Variants in FRMPD2 observed in about 807,000 individuals in gnomAD.
The protein encoded by FRMPD2 is FERM and PDZ domain-containing protein 2.
In FRMPD2, 96 loss-of-function variants were observed where a neutral mutation model predicts 140.1. The observed-to-expected ratio is 0.69, with a 90% confidence interval of 0.58 to 0.81. The LOEUF (loss-of-function observed/expected upper bound fraction) is 0.81. FRMPD2 is among the 40% of genes least tolerant of loss of function. FRMPD2 has a pLI of 0.00. For missense variants in FRMPD2, 1,240 were observed against 1,447.4 expected, an observed-to-expected ratio of 0.86 and a Z score of 2.32; for synonymous variants, 449 against 547.6, an observed-to-expected ratio of 0.82 and a Z score of 2.52.
Position 48,229,654 on chromosome 10 carries a change from C to G in FRMPD2, c.1168+2461G>C, listed in dbSNP as rs73294237. 2.4e-3 allele frequency among the ~76,000 whole-genome samples: 369 copies of G among 152,096 alleles called. 3 individuals are homozygous for G. The highest frequency in any genetic ancestry group is 8.6e-3 in the African/African-American group (357 of 41,506). The stretch of plus-strand genomic sequence containing the variant: ...AAAATTGTACAAAATTGCTAGAATT[C>G]CGATATGTCTTAGTATAATATTTGG... On this transcript the variant is annotated intron_variant, in intron 10 of 28. Coordinates refer to ENST00000374201, the MANE Select transcript of FRMPD2 (RefSeq NM_001018071.4).
At chr10:48,273,439 A>C (rs2131995287) in intron 1 of FRMPD2, among the ~76,000 whole-genome samples, 1 of 152,112 alleles carries the variant, frequency 6.6e-6, no homozygotes, top group East Asian at 1.9e-4. Flanking sequence ...CACTTTACTA[A>C]AGTTAGGCCA....
At chr10:48,245,863 G>T (rs1163932590) in intron 3 of FRMPD2, among the ~76,000 whole-genome samples, 4 of 152,174 alleles carry the variant, frequency 2.6e-5, no homozygotes, top group Admixed American at 1.3e-4. Context: ...AAACAATGAG[G>T]TAATGAAACA....
At chr10:48,237,938 A>G in intron 8 of FRMPD2, 53 bp downstream of exon 8, 5 of 1,610,500 alleles carry the variant, frequency 3.1e-6, no homozygotes, top group Non-Finnish European at 4.2e-6. Flanking sequence ...AGCCACCCAC[A>G]GCTCCCTGCT....
chr10:48,188,051 G>T (rs560567784), intron 16 of FRMPD2, among the ~76,000 whole-genome samples: 27 of 152,340 alleles, frequency 1.8e-4, no homozygotes, highest in Non-Finnish European at 3.4e-4. Flanking sequence ...GGGAACAATT[G>T]ATGTAAAGCT....
intron 1 of FRMPD2, among the ~76,000 whole-genome samples, chr10:48,269,602 C>T (rs762268538): frequency 3.9e-5 from 6 of 152,308 alleles, no homozygotes; most frequent in African/African-American, 9.6e-5. Flanking sequence ...AGGGCCAGGC[C>T]GTCCGTGGGT....
intron 9 of FRMPD2, among the ~76,000 whole-genome samples, chr10:48,233,865 C>T (rs1408872668): frequency 1.3e-5 from 2 of 152,148 alleles, no homozygotes; most frequent in African/African-American, 2.4e-5. Context: ...TGATGCCTTC[C>T]TCAGGGGCTG....
At chr10:48,181,376 C>T (rs1838542301) in intron 20 of FRMPD2, among the ~76,000 whole-genome samples, 1 of 152,162 alleles carries the variant, frequency 6.6e-6, no homozygotes, top group African/African-American at 2.4e-5. Flanking sequence ...AAGGTGTAAT[C>T]CCAGTTCAAA....
chr10:48,251,703 A>T lies in FRMPD2; in HGVS notation c.26-12T>A. ...GGACAGGCTCATGCCTACAATAAAG[A>T]CATGCATGTGACAGGGCCTCTGCAA... On this transcript the variant is annotated splice_polypyrimidine_tract_variant and intron_variant, in intron 1 of 28. Coordinates refer to ENST00000374201, the MANE Select transcript of FRMPD2 (RefSeq NM_001018071.4). The T allele has an allele frequency of 1.2e-6, 2 of 1,613,820 alleles. No individual in the cohort carries two copies. The highest frequency in any genetic ancestry group is 2.7e-5 in the African/African-American group (2 of 75,014).
At chr10:48,164,433 G>T (rs1375936381) in intron 27 of FRMPD2, among the ~76,000 whole-genome samples, 1 of 150,426 alleles carries the variant, frequency 6.6e-6, no homozygotes, top group Non-Finnish European at 1.5e-5. Context: ...TAGGAATCAT[G>T]ATTTTACCTT....
intron 5 of FRMPD2, 88 bp downstream of exon 5, chr10:48,242,073 T>A: frequency 1.1e-6 from 1 of 933,196 alleles, no homozygotes; most frequent in Non-Finnish European, 1.6e-6. Context: ...TTTATTTTAT[T>A]TTAGTTAATG....
intron 12 of FRMPD2, among the ~76,000 whole-genome samples, chr10:48,216,182 A>G (rs1205118636): frequency 1.3e-5 from 2 of 152,202 alleles, no homozygotes; most frequent in African/African-American, 2.4e-5. Flanking sequence ...ACATAACCAC[A>G]TGAGCCAATG....
intron 1 of FRMPD2, among the ~76,000 whole-genome samples, chr10:48,256,257 A>T (rs971652384): frequency 2.6e-5 from 4 of 151,694 alleles, no homozygotes; most frequent in African/African-American, 9.7e-5. Flanking sequence ...TGTCCCCTAG[A>T]CAGCTGCCCA....
At chr10:48,160,161 A>T (rs1224763746) in intron 28 of FRMPD2, among the ~76,000 whole-genome samples, 1 of 151,684 alleles carries the variant, frequency 6.6e-6, no homozygotes, top group African/African-American at 2.4e-5. Flanking sequence ...TTTCCCTCTG[A>T]TAGGCACGTA....
intron 12 of FRMPD2, among the ~76,000 whole-genome samples, chr10:48,220,075 G>A (rs1408330113): frequency 6.6e-6 from 1 of 152,078 alleles, no homozygotes; most frequent in African/African-American, 2.4e-5. Flanking sequence ...ACAATGTCTG[G>A]GTAAATGCCA....
chr10:48,274,446 CTG>C, intron 1 of FRMPD2, 95 bp downstream of exon 1: 1 of 1,073,802 alleles, frequency 9.3e-7, no homozygotes, highest in Non-Finnish European at 1.4e-6. Flanking sequence ...CCTTGCCCAG[CTG>C]TGTTCTTCTT....
intron 22 of FRMPD2, 83 bp from the exon 23 acceptor site, chr10:48,176,022 A>G (rs1588806393): frequency 1.5e-6 from 1 of 645,518 alleles, no homozygotes; most frequent in East Asian, 2.7e-5. Context: ...GGGAATCCCC[A>G]CCTGCCCACC....
rs770095462 is a variant in FRMPD2, at chr10:48,201,349, C to T, written c.1833G>A (p.Gly611=). 1.9e-6 allele frequency: 3 copies of T among 1,613,778 alleles called. No homozygotes were observed. The highest frequency in any genetic ancestry group is 2.2e-5 in the East Asian group (1 of 44,872). The change falls in exon 15 of 29, where the codon GGG becomes GGA. Residue 611 remains glycine (G), a synonymous_variant. Coordinates refer to ENST00000374201, the MANE Select transcript of FRMPD2 (RefSeq NM_001018071.4). ...KKFTITSSVT[G]KKHTFVTDSA... is the part of the protein sequence containing the mutation. Reference sequence around the variant, plus strand: ...AATCTGTGACAAATGTGTGCTTCTTCCCAGTGACACTGCTTGTGATGGTGA... The same window carrying T: ...AATCTGTGACAAATGTGTGCTTCTTTCCAGTGACACTGCTTGTGATGGTGA...
intron 1 of FRMPD2, among the ~76,000 whole-genome samples, chr10:48,263,526 C>T (rs1414735269): frequency 6.6e-6 from 1 of 151,988 alleles, no homozygotes; most frequent in East Asian, 1.9e-4. Context: ...GGATAATATG[C>T]CCACAAATGT....
At position 48,274,529 on chromosome 10, in the gene FRMPD2, A is replaced by T. The variant is rs199589889; in HGVS notation, c.25+14T>A. ...CAGATTTATAGGAGAAAACTGAATG[A>T]TGCCAAGGAATACCTGCGTCCTTCG... is the stretch of plus-strand genomic sequence containing the variant. On this transcript the variant is annotated intron_variant, in intron 1 of 28. Transcript: ENST00000374201. The T allele has an allele frequency of 6.2e-7, 1 of 1,613,624 alleles. No homozygotes were observed. Among genetic ancestry groups the T allele is most frequent in the Non-Finnish European group, 8.5e-7 (1 of 1,179,610 alleles).
Sources: gnomAD v4.1 joint callset for allele counts (sites outside exome capture counted in the v4.1 genomes callset) on GRCh38, gnomAD v4.1.1 for gene constraint, MANE v1.5 for transcripts, NCBI Gene and HGNC (gene_info 2026-07-23, HGNC 2026-07-21) for gene names.